Variants in CPSF1 observed in about 807,000 individuals in gnomAD.
The protein encoded by CPSF1 is cleavage and polyadenylation specific factor 1.
In CPSF1, 106 loss-of-function variants were observed where a neutral mutation model predicts 175.8. That is an observed-to-expected ratio of 0.60 (90% CI 0.52 to 0.71). The LOEUF (loss-of-function observed/expected upper bound fraction) is 0.71. CPSF1 is among the 30% of genes least tolerant of loss of function. The pLI, the probability that CPSF1 is intolerant of heterozygous loss-of-function variation, is 0.00. For synonymous variants in CPSF1, 1,024 were observed against 858.3 expected (o/e 1.19, Z -3.37); for missense variants, 1,734 against 2,022.9 (o/e 0.86, Z 2.74).
At chr8:144,396,110 C>G (rs187271641) in intron 26 of CPSF1, 1 of 562,754 alleles carries the variant, frequency 1.8e-6, no homozygotes, top group Admixed American at 3.1e-5. Context: ...CCCGGCGAGC[C>G]GGCAGAGCAG....
intron 9 of CPSF1, 31 bp downstream of exon 9, chr8:144,400,135 G>GGGGGGGGCGCCC: frequency 2.2e-6 from 2 of 896,006 alleles, no homozygotes; most frequent in Non-Finnish European, 3.2e-6. Flanking sequence ...CCGTCCCCGG[G>GGGGGGGGCGCCC]CCCCCCCCGC....
intron 4 of CPSF1, 57 bp downstream of exon 4, chr8:144,401,373 C>T (rs1564695544): frequency 1.2e-6 from 2 of 1,611,964 alleles, no homozygotes; most frequent in Non-Finnish European, 8.5e-7. Flanking sequence ...TGTACCCAGG[C>T]CCTGGCACCC....
intron 23 of CPSF1, 130 bp from the exon 24 acceptor site, chr8:144,397,059 G>A (rs1554864118): frequency 1.4e-5 from 13 of 908,064 alleles, no homozygotes; most frequent in Middle Eastern, 2.9e-4. Context: ...GGGAAGGGGC[G>A]GGGCTGTGAG....
intron 2 of CPSF1, among the ~76,000 whole-genome samples, chr8:144,404,442 T>C (rs998004925): frequency 6.6e-6 from 1 of 151,616 alleles, no homozygotes; most frequent in Admixed American, 6.6e-5. Flanking sequence ...CTTGGCTTAC[T>C]GCAAGCTCTG....
rs201022477 is a variant in CPSF1 at position 144,394,319 on chromosome 8, C to G, written c.3745-19G>C. On this transcript the variant is annotated intron_variant, in intron 32 of 37. Transcript: ENST00000616140. The stretch of plus-strand genomic sequence containing the variant: ...TGGCATCCTGGGGGCGGGAAGGGGG[C>G]GTCAGAGGTGCCTTGGGCGGGTACC... The G allele has an allele frequency of 6.3e-7, 1 of 1,584,818 alleles. No homozygotes were observed. Among genetic ancestry groups the G allele is most frequent in the Non-Finnish European group, 8.6e-7 (1 of 1,163,412 alleles).
At position 144,393,470 on chromosome 8, in the gene CPSF1, G is replaced by T; in HGVS notation, c.4266C>A (p.Ile1422=). ...TMERSELAKK[I]GTTPDIILDD... is the part of the protein sequence containing the mutation. Reference sequence around the variant, plus strand: ...CACTCACTATGTCTGGTGTGGTGCCGATCTTCTTGGCTAGCTCGCTGCGCT... The same window carrying T: ...CACTCACTATGTCTGGTGTGGTGCCTATCTTCTTGGCTAGCTCGCTGCGCT... Residue 1422 remains isoleucine, a synonymous_variant, in exon 37 of 38, where the codon ATC becomes ATA. Transcript: ENST00000616140. 3 of 1,558,944 alleles carry T rather than the reference G, an allele frequency of 1.9e-6. No individual in the cohort carries two copies. Among genetic ancestry groups the T allele is most frequent in the Non-Finnish European group, 2.6e-6 (3 of 1,152,396 alleles).
Position 144,393,342 on chromosome 8 carries a change from C to G in CPSF1, c.4308G>C (p.Thr1436=), listed in dbSNP as rs374047184. ...PDIILDDLLE[T]DRVTAHF The stretch of plus-strand genomic sequence containing the variant: ...GCTAGAAGTGGGCGGTGACGCGGTC[C>G]GTCTCCAGCAAGTCGTCCAGGATCT... The change falls in exon 38 of 38, where the codon ACG becomes ACC. Residue 1436 remains threonine (T), a synonymous_variant. Coordinates refer to ENST00000616140, the MANE Select transcript of CPSF1 (RefSeq NM_013291.3). The G allele has an allele frequency of 1.3e-6, 2 of 1,486,190 alleles. No individual in the cohort carries two copies. Among genetic ancestry groups the G allele is most frequent in the South Asian group, 2.7e-5 (2 of 75,284 alleles). 92.1% of individuals were successfully genotyped at this position (1,486,190 alleles called of 1,614,324 possible). A position where few individuals can be genotyped will look rare whatever the true frequency, so the allele number is the denominator to read the frequency against.
rs1338481433 is a variant in CPSF1 at position 144,409,298 on chromosome 8, G to A, written c.-24C>T. 1.4e-6 allele frequency: 1 copy of A among 712,416 alleles called. No homozygotes were observed. Among genetic ancestry groups the A allele is most frequent in the Non-Finnish European group, 1.9e-6 (1 of 529,524 alleles). The allele number at this position is 712,416 out of a possible 1,614,324, so 44.1% of individuals were successfully genotyped here. ...CCGCCCGGCCGCCCACCTGGCAGTT[G>A]GAGCCGACTCGAGAGGAACCGGGAC... On this transcript the variant is annotated 5_prime_UTR_variant, in exon 1 of 38. Transcript: ENST00000616140.
rs2116910494 is a variant in CPSF1, at chr8:144,408,200, CCCA to C, written c.144+812_144+814del. Among the ~76,000 whole-genome samples, 40 of 152,206 alleles carry C rather than the reference CCCA, an allele frequency of 2.6e-4. No individual in the cohort carries two copies. The East Asian group carries it at 7.4e-3, about 28-fold the overall frequency. ...TGACCACGGCCTACCTCCCTCCATC[CCCA>C]CCACCACATCCAGTCTATACCACGG... On this transcript the variant is annotated intron_variant, in intron 2 of 37. Transcript: ENST00000616140.
intron 20 of CPSF1, 36 bp downstream of exon 20, chr8:144,397,918 C>A (rs1554864666): frequency 1.3e-6 from 2 of 1,599,042 alleles, no homozygotes; most frequent in Non-Finnish European, 1.7e-6. Flanking sequence ...GGGCAAGGGG[C>A]AGGGACAGGA....
chr8:144,397,132 AAGGGGCGGGGCTGTGGGGGAACGGGC>A (rs1382978590), intron 23 of CPSF1, 49 bp downstream of exon 23: 2 of 1,319,940 alleles, frequency 1.5e-6, no homozygotes, highest in South Asian at 1.4e-5. Context: ...GAGCCACGGG[AAGGGGCGGGGCTGTGGGGGAACGGGC>A]AGGGCCAGGG....
chr8:144,395,555 G>T lies in CPSF1; in HGVS notation c.2980-4C>A. On this transcript the variant is annotated splice_polypyrimidine_tract_variant and splice_region_variant and intron_variant, in intron 26 of 37. Coordinates refer to ENST00000616140, the MANE Select transcript of CPSF1 (RefSeq NM_013291.3). Reference sequence around the variant, plus strand: ...GGACACTGATCCTCAGCTCGCCCTGGGGTGGGGGCACAGGGGTCAGGGGAT... The same window carrying T: ...GGACACTGATCCTCAGCTCGCCCTGTGGTGGGGGCACAGGGGTCAGGGGAT... The T allele has an allele frequency of 6.3e-7, 1 of 1,589,074 alleles. No homozygotes were observed.
Position 144,399,361 on chromosome 8 carries a change from G to A in CPSF1, c.1307C>T (p.Ser436Leu), listed in dbSNP as rs140511561. ...ATAGWSAAGKSVPQDEVDEIE... is the reference protein window; with the variant it reads ...ATAGWSAAGKLVPQDEVDEIE... ...CTCGTCCACCTCATCCTGCGGCACC[G>A]ACTTACCCGCAGCTGCACACAGAGA... The change falls in exon 14 of 38, where the codon TCG (serine) becomes TTG (leucine). Residue 436 changes from serine (S) to leucine (L), a missense_variant. Ser to Leu is a moderately radical substitution (Grantham distance 145). Transcript: ENST00000616140. The surrounding 1 kb of genome is among the most constrained non-coding windows in gnomAD (Gnocchi z 6.4). 8.9e-5 allele frequency: 144 copies of A among 1,612,710 alleles called. No individual in the cohort carries two copies. In the African/African-American group the frequency reaches 1.4e-3, roughly 16 times the overall value.
rs782296240 is a variant in CPSF1 at position 144,396,489 on chromosome 8, G to A, written c.2838C>T (p.Cys946=). 1.2e-5 allele frequency: 20 copies of A among 1,610,042 alleles called. No individual in the cohort carries two copies. The highest frequency in any genetic ancestry group is 4.0e-5 in the African/African-American group (3 of 74,980). ...CCAAGAGCCAGTGAGGGGAGGGGCC[G>A]CAGATGAAGACCTGGGGGCAGGCAC... ...DIYGYSGVFI[C]GPSPHWLLVT... The change falls in exon 26 of 38, where the codon TGC becomes TGT. Residue 946 remains cysteine, a synonymous_variant. Transcript: ENST00000616140.
intron 26 of CPSF1, 163 bp from the exon 27 acceptor site, chr8:144,395,714 T>C (rs1434858230): frequency 1.1e-5 from 7 of 630,832 alleles, no homozygotes; most frequent in Non-Finnish European, 2.0e-5. Flanking sequence ...GGGCTGCCAC[T>C]CAGCCTCTGG....
rs1821212793 is a variant in CPSF1, at chr8:144,401,582, CTCAGGG to C, written c.173-25_173-20del. Reference sequence around the variant, plus strand: ...TTCCCCTCTAGGGGAGACACCAGGGCTCAGGGTCAGGGCCCAGCCATGCCTGGCACC... The same window carrying C: ...TTCCCCTCTAGGGGAGACACCAGGGCTCAGGGCCCAGCCATGCCTGGCACC... On this transcript the variant is annotated intron_variant, in intron 3 of 37. Coordinates refer to ENST00000616140, the MANE Select transcript of CPSF1 (RefSeq NM_013291.3). The C allele has an allele frequency of 2.5e-6, 4 of 1,612,946 alleles. No homozygotes were observed. Among genetic ancestry groups the C allele is most frequent in the Non-Finnish European group, 3.4e-6 (4 of 1,179,610 alleles).
chr8:144,393,618 G>A (rs1554862189), intron 36 of CPSF1, 28 bp from the exon 37 acceptor site: 1 of 1,594,324 alleles, frequency 6.3e-7, no homozygotes, highest in Non-Finnish European at 8.5e-7. Flanking sequence ...AGGTGTCAGG[G>A]CAGGCTGGGG....
At chr8:144,407,208 G>A (rs2116907697) in intron 2 of CPSF1, among the ~76,000 whole-genome samples, 2 of 150,218 alleles carry the variant, frequency 1.3e-5, no homozygotes, top group Non-Finnish European at 3.0e-5. Context: ...GTGAGCCAAC[G>A]TGCCTGGCCT....
At position 144,398,102 on chromosome 8, in the gene CPSF1, A is replaced by G. The variant is rs1820893558; in HGVS notation, c.1925T>C (p.Leu642Pro). Residue 642 changes from leucine to proline, a missense_variant, in exon 20 of 38, where the codon CTG (leucine) becomes CCG (proline). This residue lies in a region of CPSF1 where 280 missense variants were observed against 349.2 expected (regional missense o/e 0.80). Transcript: ENST00000616140. ...VNQLHFIPVD[L>P]GAPIVQCAVA... ...GGCGCACTGCACGATGGGGGCGCCCAGGTCCACGGGGATGAAGTGCAGCTG... is the reference window on the plus strand; with the variant it reads ...GGCGCACTGCACGATGGGGGCGCCCGGGTCCACGGGGATGAAGTGCAGCTG... 1 of 1,608,090 alleles carries G rather than the reference A, an allele frequency of 6.2e-7. No homozygotes were observed.
Sources: allele counts gnomAD v4.1 joint callset (sites outside exome capture counted in the v4.1 genomes callset), GRCh38; gene constraint gnomAD v4.1.1; regional missense constraint gnomAD v4.1.1; non-coding constraint Gnocchi (gnomAD v3.1); transcripts MANE v1.5; gene names NCBI Gene and HGNC (gene_info 2026-07-23, HGNC 2026-07-21).